The following KCNQ1OT1 variants were observed in gnomAD, a reference collection of about 807,000 sequenced individuals.
The protein encoded by KCNQ1OT1 is KCNQ1 antisense RNA 2 (non-protein coding).
chr11:2,616,365 CTGT>C (rs1008714796), exon 1 of KCNQ1OT1: 16 of 397,682 alleles, frequency 4.0e-5, no homozygotes, highest in Admixed American at 2.2e-4. Context: ...TAAATTATCT[CTGT>C]TGTTTATTTA....
exon 1 of KCNQ1OT1, chr11:2,688,356 TG>T (rs1234752679): frequency 7.5e-6 from 3 of 398,684 alleles, no homozygotes; most frequent in African/African-American, 6.2e-5. Context: ...CTCTCGTGTC[TG>T]GGGAACTTCC....
exon 1 of KCNQ1OT1, chr11:2,660,466 A>G (rs575169456): frequency 1.3e-5 from 5 of 398,656 alleles, no homozygotes; most frequent in East Asian, 3.6e-5. Context: ...ATTCAGGTGA[A>G]AAAACAGACT....
At position 2,668,041 on chromosome 11, in the gene KCNQ1OT1, C is replaced by G. The variant is rs1025585477; in HGVS notation, n.31954G>C. ...TGCTAGCAGCAAGGACCAGCTTTGC[C>G]CACATTTGAACTTTATGCGGTGGGA... On this transcript the variant is annotated non_coding_transcript_exon_variant, in exon 1 of 1. Coordinates refer to ENST00000597346, the Ensembl canonical transcript of KCNQ1OT1. This position sits in a 1 kb window ranked among gnomAD's most constrained non-coding sequence, Gnocchi z 4.3. 10 of 398,486 alleles carry G rather than the reference C, an allele frequency of 2.5e-5. No individual in the cohort carries two copies. The Admixed American group carries it at 3.1e-4, about 12-fold the overall frequency. The allele number at this position is 398,486 out of a possible 1,614,324, so 24.7% of individuals were successfully genotyped here. A position where few individuals can be genotyped will look rare whatever the true frequency, so the allele number is the denominator to read the frequency against.
At position 2,661,490 on chromosome 11, in the gene KCNQ1OT1, G is replaced by A. The variant is rs899601907; in HGVS notation, n.38505C>T. On this transcript the variant is annotated non_coding_transcript_exon_variant, in exon 1 of 1. Coordinates refer to ENST00000597346, the Ensembl canonical transcript of KCNQ1OT1. This position sits in a 1 kb window ranked among gnomAD's most constrained non-coding sequence, Gnocchi z 5.9. ...GTGGCTGCCCCCACCTCCCAGGCTT[G>A]CCATTCCTCATGGGTCAGAGGTCCT... 7 of 437,820 alleles carry A rather than the reference G, an allele frequency of 1.6e-5. No homozygotes were observed. Among genetic ancestry groups the A allele is most frequent in the African/African-American group, 1.0e-4 (5 of 50,070 alleles). 27.1% of individuals were successfully genotyped at this position (437,820 alleles called of 1,614,324 possible).
Position 2,645,602 on chromosome 11 carries a change from G to C in KCNQ1OT1, n.54393C>G. 1 of 398,760 alleles carries C rather than the reference G, an allele frequency of 2.5e-6. No individual in the cohort carries two copies. Among genetic ancestry groups the C allele is most frequent in the Non-Finnish European group, 4.4e-6 (1 of 226,160 alleles). 24.7% of individuals were successfully genotyped at this position (398,760 alleles called of 1,614,324 possible). A position where few individuals can be genotyped will look rare whatever the true frequency, so the allele number is the denominator to read the frequency against. On this transcript the variant is annotated non_coding_transcript_exon_variant, in exon 1 of 1. Coordinates refer to ENST00000597346, the Ensembl canonical transcript of KCNQ1OT1. The surrounding 1 kb of genome is among the most constrained non-coding windows in gnomAD (Gnocchi z 5.8). ...TTGGGCAATGCATGCTTCGGCCCCA[G>C]GTGGTGACTATGGGCAGGGTCACCT...
rs1262067249 is a variant in KCNQ1OT1 at position 2,661,835 on chromosome 11, C to T, written n.38160G>A. ...AACACCCAACTATAAAACTGATTGT[C>T]AGGGCTGGAGCTTCCAGGCACAAGC... On this transcript the variant is annotated non_coding_transcript_exon_variant, in exon 1 of 1. Transcript: ENST00000597346. This position sits in a 1 kb window ranked among gnomAD's most constrained non-coding sequence, Gnocchi z 5.9. 11 of 1,225,336 alleles carry T rather than the reference C, an allele frequency of 9.0e-6. No homozygotes were observed. The Admixed American group carries it at 1.8e-4, about 20-fold the overall frequency. 75.9% of individuals were successfully genotyped at this position (1,225,336 alleles called of 1,614,324 possible).
exon 1 of KCNQ1OT1, chr11:2,681,588 G>C: frequency 2.5e-6 from 1 of 398,400 alleles, no homozygotes; most frequent in Non-Finnish European, 4.4e-6. Flanking sequence ...GAAGTTTCTA[G>C]CTTGCTTGCT....
rs1360557053 is a variant in KCNQ1OT1, at chr11:2,611,913, G to C, written n.88082C>G. Reference sequence around the variant, plus strand: ...CTGGAGGTTACAATAAGCAGCTTAAGCAAAAACAATCTGCTTCAGGTTAAT... The same window carrying C: ...CTGGAGGTTACAATAAGCAGCTTAACCAAAAACAATCTGCTTCAGGTTAAT... On this transcript the variant is annotated non_coding_transcript_exon_variant, in exon 1 of 1. Coordinates refer to ENST00000597346, the Ensembl canonical transcript of KCNQ1OT1. This position sits in a 1 kb window ranked among gnomAD's most constrained non-coding sequence, Gnocchi z 5.3. The C allele has an allele frequency of 7.5e-6, 3 of 398,324 alleles. No homozygotes were observed. The highest frequency in any genetic ancestry group is 1.3e-5 in the Non-Finnish European group (3 of 226,034). The allele number at this position is 398,324 out of a possible 1,614,324, so 24.7% of individuals were successfully genotyped here.
chr11:2,683,143 G>C lies in KCNQ1OT1; in HGVS notation n.16852C>G, dbSNP rs1850426765. On this transcript the variant is annotated non_coding_transcript_exon_variant, in exon 1 of 1. Coordinates refer to ENST00000597346, the Ensembl canonical transcript of KCNQ1OT1. This position sits in a 1 kb window ranked among gnomAD's most constrained non-coding sequence, Gnocchi z 4.7. Reference sequence around the variant, plus strand: ...CCAACTCAGGAGGGTGTGGGGATGGGCTAGCATTAGGAATGGGTATTAGCA... The same window carrying C: ...CCAACTCAGGAGGGTGTGGGGATGGCCTAGCATTAGGAATGGGTATTAGCA... 1 of 398,452 alleles carries C rather than the reference G, an allele frequency of 2.5e-6. No individual in the cohort carries two copies. The highest frequency in any genetic ancestry group is 1.3e-4 in the South Asian group (1 of 7,860). The allele number at this position is 398,452 out of a possible 1,614,324, so 24.7% of individuals were successfully genotyped here.
At position 2,673,518 on chromosome 11, in the gene KCNQ1OT1, G is replaced by C. The variant is rs548108925; in HGVS notation, n.26477C>G. The C allele has an allele frequency of 7.5e-6, 3 of 398,634 alleles. No individual in the cohort carries two copies. The East Asian group carries it at 1.1e-4, about 14-fold the overall frequency. 24.7% of individuals were successfully genotyped at this position (398,634 alleles called of 1,614,324 possible). A position where few individuals can be genotyped will look rare whatever the true frequency, so the allele number is the denominator to read the frequency against. On this transcript the variant is annotated non_coding_transcript_exon_variant, in exon 1 of 1. Coordinates refer to ENST00000597346, the Ensembl canonical transcript of KCNQ1OT1. This position sits in a 1 kb window ranked among gnomAD's most constrained non-coding sequence, Gnocchi z 4.5. ...TCACAACCACTTGTTGATGCTGACA[G>C]CCTGTAGAAAGATTGCTCTCAGCCT...
rs542665111 is a variant in KCNQ1OT1 at position 2,653,823 on chromosome 11, G to C, written n.46172C>G. The C allele has an allele frequency of 2.5e-6, 1 of 398,538 alleles. No individual in the cohort carries two copies. Among genetic ancestry groups the C allele is most frequent in the Non-Finnish European group, 4.4e-6 (1 of 226,112 alleles). 24.7% of individuals were successfully genotyped at this position (398,538 alleles called of 1,614,324 possible). ...CGATGGCTGAGGCAAGGTCCACAGG[G>C]ACCCCTTTGGGGATGGCCAGAGGGT... On this transcript the variant is annotated non_coding_transcript_exon_variant, in exon 1 of 1. Transcript: ENST00000597346. The surrounding 1 kb of genome is among the most constrained non-coding windows in gnomAD (Gnocchi z 5.3).
exon 1 of KCNQ1OT1, chr11:2,697,591 C>T (rs1850699673): frequency 5.0e-6 from 2 of 398,592 alleles, no homozygotes; most frequent in Non-Finnish European, 8.8e-6. Flanking sequence ...AGGCGTTAAA[C>T]TTTATCACAT....
In KCNQ1OT1 at chr11:2,662,088, G is replaced by T. The variant is rs372593469; in HGVS notation, n.37907C>A. Reference sequence around the variant, plus strand: ...CCATCACCCACATCTCACAGTGAGTGCCTACATGTGCGTGAAGGGCTGGGC... The same window carrying T: ...CCATCACCCACATCTCACAGTGAGTTCCTACATGTGCGTGAAGGGCTGGGC... On this transcript the variant is annotated non_coding_transcript_exon_variant, in exon 1 of 1. Transcript: ENST00000597346. 3.5e-5 allele frequency: 57 copies of T among 1,614,180 alleles called. No homozygotes were observed. The East Asian group carries it at 4.2e-4, about 12-fold the overall frequency.
chr11:2,693,300 G>C (rs1554907739), exon 1 of KCNQ1OT1: 1 of 398,630 alleles, frequency 2.5e-6, no homozygotes, highest in Non-Finnish European at 4.4e-6. Flanking sequence ...ACTGCTCTTA[G>C]CACCCACAGG....
exon 1 of KCNQ1OT1, chr11:2,618,552 G>C (rs1564835273): frequency 2.5e-6 from 1 of 398,380 alleles, no homozygotes; most frequent in Non-Finnish European, 4.4e-6. Flanking sequence ...CTGTTCCACT[G>C]GTCTACATGT....
exon 1 of KCNQ1OT1, chr11:2,694,436 C>T (rs1432338025): frequency 1.3e-5 from 5 of 398,548 alleles, no homozygotes; most frequent in Non-Finnish European, 1.8e-5. Flanking sequence ...TGCTAAACAT[C>T]TTACAATATA....
chr11:2,696,960 A>T (rs1850687215), exon 1 of KCNQ1OT1: 1 of 398,466 alleles, frequency 2.5e-6, no homozygotes, highest in Non-Finnish European at 4.4e-6. Flanking sequence ...TTAGTTGTTA[A>T]GTTCCTTAAT....
chr11:2,613,301 C>G lies in KCNQ1OT1; in HGVS notation n.86694G>C, dbSNP rs1463566864. The G allele has an allele frequency of 1.0e-5, 4 of 398,472 alleles. No individual in the cohort carries two copies. Among genetic ancestry groups the G allele is most frequent in the Non-Finnish European group, 1.3e-5 (3 of 226,062 alleles). 24.7% of individuals were successfully genotyped at this position (398,472 alleles called of 1,614,324 possible). A position where few individuals can be genotyped will look rare whatever the true frequency, so the allele number is the denominator to read the frequency against. The stretch of plus-strand genomic sequence containing the variant: ...CTGCAAGCATGTACAACTTCCATAT[C>G]TCCAGAATTCCTTTTAAAATTTTTC... On this transcript the variant is annotated non_coding_transcript_exon_variant, in exon 1 of 1. Coordinates refer to ENST00000597346, the Ensembl canonical transcript of KCNQ1OT1. This position sits in a 1 kb window ranked among gnomAD's most constrained non-coding sequence, Gnocchi z 4.8.
exon 1 of KCNQ1OT1, chr11:2,649,800 G>A: frequency 2.5e-6 from 1 of 398,330 alleles, no homozygotes; most frequent in Non-Finnish European, 4.4e-6. Context: ...ATCTATTTAG[G>A]GATTTGTGAG....
Sources: gnomAD v4.1 joint callset for allele counts on GRCh38, gnomAD v4.1.1 for gene constraint, Gnocchi (gnomAD v3.1) non-coding constraint, MANE v1.5 for transcripts, NCBI Gene and HGNC (gene_info 2026-07-23, HGNC 2026-07-21) for gene names.